GPR39: variants seen among roughly 807,000 people sequenced by gnomAD.
GPR39 encodes the protein zinc sensing receptor.
A neutral mutation model predicts 18.4 loss-of-function variants in GPR39; 23 were observed. The observed-to-expected ratio is 1.25, with a 90% CI of 0.90 to 1.77. The LOEUF is 1.77. GPR39 is among the 40% of genes most tolerant of loss of function. The probability of loss-of-function intolerance (pLI) is 0.00; values close to 1 mark genes in which losing one functional copy is unlikely to be tolerated. For missense variants in GPR39, 647 were observed against 602.4 expected, an observed-to-expected ratio of 1.07 and a Z score of -0.78; for synonymous variants, 280 against 257.9, an observed-to-expected ratio of 1.09 and a Z score of -0.82.
At position 132,584,078 on chromosome 2, in the gene GPR39, G is replaced by A. The variant is rs570600506; in HGVS notation, c.857-61023G>A. Reference sequence around the variant, plus strand: ...CAGGTAGGAAGTTTTTTGAGGGGTGGGGTAGGGATTTGAATTTTAGTGGCC... The same window carrying A: ...CAGGTAGGAAGTTTTTTGAGGGGTGAGGTAGGGATTTGAATTTTAGTGGCC... On this transcript the variant is annotated intron_variant, in intron 1 of 1. Transcript: ENST00000329321. Among the ~76,000 whole-genome samples the A allele has an allele frequency of 1.6e-4, 24 of 152,166 alleles. 1 individual carries two copies. Among genetic ancestry groups the A allele is most frequent in the African/African-American group, 5.5e-4 (23 of 41,528 alleles).
At chr2:132,574,589 G>T (rs1246943128) in intron 1 of GPR39, among the ~76,000 whole-genome samples, 3 of 152,082 alleles carry the variant, frequency 2.0e-5, no homozygotes, top group African/African-American at 7.2e-5. Flanking sequence ...ACAAAAATTA[G>T]CTGGACATGA....
At chr2:132,543,244 C>T (rs112046131) in intron 1 of GPR39, among the ~76,000 whole-genome samples, 62 of 152,194 alleles carry the variant, frequency 4.1e-4, no homozygotes, top group African/African-American at 1.4e-3. Context: ...GGGATTAAGG[C>T]GTGAATTCCT....
intron 1 of GPR39, among the ~76,000 whole-genome samples, chr2:132,631,085 C>A (rs970833235): frequency 6.6e-6 from 1 of 151,960 alleles, no homozygotes; most frequent in Non-Finnish European, 1.5e-5. Flanking sequence ...GAGGAGGTAC[C>A]CCAGGGAGAG....
intron 1 of GPR39, among the ~76,000 whole-genome samples, chr2:132,419,754 C>T (rs925583542): frequency 1.3e-5 from 2 of 151,116 alleles, no homozygotes; most frequent in Admixed American, 6.6e-5. Flanking sequence ...TTTTTTTGAT[C>T]GGAGGAGACT....
At chr2:132,526,223 G>T (rs1027099150) in intron 1 of GPR39, among the ~76,000 whole-genome samples, 1 of 152,094 alleles carries the variant, frequency 6.6e-6, no homozygotes, top group African/African-American at 2.4e-5. Context: ...TTTAGCATGC[G>T]GTAGATGCAC....
chr2:132,453,198 T>C (rs186208518), intron 1 of GPR39, among the ~76,000 whole-genome samples: 6 of 152,350 alleles, frequency 3.9e-5, no homozygotes, highest in African/African-American at 1.4e-4. Flanking sequence ...TGGTATCTCA[T>C]TGTGGTTTTG....
chr2:132,529,717 A>T (rs1387489705), intron 1 of GPR39, among the ~76,000 whole-genome samples: 1 of 152,200 alleles, frequency 6.6e-6, no homozygotes, highest in South Asian at 2.1e-4. Flanking sequence ...TTCTGCAGCC[A>T]CCGCTGCTGA....
intron 1 of GPR39, among the ~76,000 whole-genome samples, chr2:132,495,640 A>C (rs1003964962): frequency 6.6e-6 from 1 of 152,202 alleles, no homozygotes; most frequent in Non-Finnish European, 1.5e-5. Context: ...CTCATCAGCC[A>C]GCAATAAATG....
intron 1 of GPR39, among the ~76,000 whole-genome samples, chr2:132,609,103 G>A (rs1170189141): frequency 6.6e-6 from 1 of 152,218 alleles, no homozygotes; most frequent in Non-Finnish European, 1.5e-5. Flanking sequence ...TTGAAGCTCA[G>A]CTTCAGGAGG....
At chr2:132,427,074 CTATATATATAATATACATATATAGGTACA>C (rs1323764623) in intron 1 of GPR39, among the ~76,000 whole-genome samples, 2 of 114,814 alleles carry the variant, frequency 1.7e-5, no homozygotes, top group Non-Finnish European at 3.6e-5. Context: ...ATATATGTAC[CTATATATATAATATACATATATAGGTACA>C]TATATATATA....
intron 1 of GPR39, among the ~76,000 whole-genome samples, chr2:132,539,507 G>A (rs896743163): frequency 9.2e-5 from 14 of 152,162 alleles, no homozygotes; most frequent in Non-Finnish European, 2.1e-4. Flanking sequence ...GGTCATTGTG[G>A]CCCCCACTAT....
chr2:132,485,960 A>G (rs1386452428), intron 1 of GPR39, among the ~76,000 whole-genome samples: 3 of 152,216 alleles, frequency 2.0e-5, no homozygotes, highest in East Asian at 1.9e-4. Context: ...GCTGACAGCT[A>G]TAGACTTATG....
At chr2:132,457,423 A>AT (rs1241605685) in intron 1 of GPR39, among the ~76,000 whole-genome samples, 3 of 152,146 alleles carry the variant, frequency 2.0e-5, no homozygotes, top group African/African-American at 7.2e-5. Flanking sequence ...ATGGGTTCGA[A>AT]TGTCCTCCTT....
At chr2:132,611,643 G>A (rs1306961986) in intron 1 of GPR39, among the ~76,000 whole-genome samples, 1 of 138,440 alleles carries the variant, frequency 7.2e-6, no homozygotes, top group Non-Finnish European at 1.6e-5. Flanking sequence ...AAAAAAAAAA[G>A]TGGAGCTTCA....
intron 1 of GPR39, among the ~76,000 whole-genome samples, chr2:132,536,308 C>T (rs1033001231): frequency 1.3e-5 from 2 of 152,100 alleles, no homozygotes; most frequent in South Asian, 2.1e-4. Flanking sequence ...TTGATTTCTG[C>T]CTTAATTTCT....
At chr2:132,419,144 T>G (rs2104751421) in intron 1 of GPR39, among the ~76,000 whole-genome samples, 1 of 152,354 alleles carries the variant, frequency 6.6e-6, no homozygotes, top group South Asian at 2.1e-4. Context: ...TTCAAAGTAC[T>G]CAGAGGCAGC....
intron 1 of GPR39, among the ~76,000 whole-genome samples, chr2:132,467,036 A>G (rs953038824): frequency 6.6e-6 from 1 of 152,228 alleles, no homozygotes; most frequent in Non-Finnish European, 1.5e-5. Flanking sequence ...AATTGACAGT[A>G]ATACCCTAGT....
chr2:132,422,656 T>C (rs1680036618), intron 1 of GPR39, among the ~76,000 whole-genome samples: 1 of 152,086 alleles, frequency 6.6e-6, no homozygotes, highest in African/African-American at 2.4e-5. Flanking sequence ...TTGACTCCAA[T>C]GTTTCAATAT....
At chr2:132,599,833 C>G (rs955006321) in intron 1 of GPR39, among the ~76,000 whole-genome samples, 2 of 152,176 alleles carry the variant, frequency 1.3e-5, no homozygotes, top group Admixed American at 6.5e-5. Context: ...TCCTCCAACT[C>G]TCCTTGATAA....
Sources: allele counts gnomAD v4.1 joint callset (sites outside exome capture counted in the v4.1 genomes callset), GRCh38; gene constraint gnomAD v4.1.1; transcripts MANE v1.5; gene names NCBI Gene and HGNC (gene_info 2026-07-23, HGNC 2026-07-21).